The following EFCAB7 variants were observed in gnomAD, a reference collection of about 807,000 sequenced individuals.
EFCAB7 encodes EF-hand calcium-binding domain-containing protein 7.
EFCAB7 carries 66 observed loss-of-function variants against 77.1 expected under a neutral mutation model. The observed-to-expected ratio is 0.86, with a 90% confidence interval of 0.70 to 1.05. EFCAB7 has a LOEUF of 1.05. EFCAB7 is among the 50% of genes least tolerant of loss of function. The probability of loss-of-function intolerance (pLI) is 0.00; values close to 1 mark genes in which losing one functional copy is unlikely to be tolerated. For synonymous variants in EFCAB7, 225 were observed against 243.3 expected (o/e 0.92, Z 0.70); for missense variants, 638 against 730.5 (o/e 0.87, Z 1.46).
At chr1:63,531,738 C>A in intron 2 of EFCAB7, 82 bp from the exon 3 acceptor site, 1 of 1,128,972 alleles carries the variant, frequency 8.9e-7, no homozygotes, top group Non-Finnish European at 1.3e-6. Flanking sequence ...TATCATAATA[C>A]ATAATGATTT....
chr1:63,541,241 C>T (rs1380210374), intron 6 of EFCAB7, among the ~76,000 whole-genome samples: 1 of 152,138 alleles, frequency 6.6e-6, no homozygotes, highest in Non-Finnish European at 1.5e-5. Flanking sequence ...TATGTACCCA[C>T]ACCTTGCTTA....
In EFCAB7 at chr1:63,571,060, A is replaced by G. The variant is rs1408641404; in HGVS notation, c.1747A>G (p.Ser583Gly). ...KVIIHISNEL[S>G]KNCINNRGLN... ...GATTATTCACATCAGCAATGAGCTA[A>G]GTAAAAACTGCATAAACAACAGAGG... Residue 583 changes from serine (S) to glycine (G), a missense_variant, in exon 13 of 14, where the codon AGT becomes GGT. Coordinates refer to ENST00000371088, the MANE Select transcript of EFCAB7 (RefSeq NM_032437.4). 2 of 1,612,646 alleles carry G rather than the reference A, an allele frequency of 1.2e-6. No individual in the cohort carries two copies. The highest frequency in any genetic ancestry group is 1.7e-4 in the Middle Eastern group (1 of 6,046).
At chr1:63,537,437 A>T (rs1646776596) in intron 6 of EFCAB7, among the ~76,000 whole-genome samples, 1 of 152,220 alleles carries the variant, frequency 6.6e-6, no homozygotes, top group African/African-American at 2.4e-5. Context: ...ATGTCAAAAC[A>T]TATATAGCAT....
chr1:63,564,043 T>C (rs1414693325), intron 11 of EFCAB7, among the ~76,000 whole-genome samples: 1 of 152,190 alleles, frequency 6.6e-6, no homozygotes, highest in Non-Finnish European at 1.5e-5. Flanking sequence ...AAATTTACTT[T>C]CTTTTTTAGA....
intron 10 of EFCAB7, among the ~76,000 whole-genome samples, chr1:63,560,817 C>G (rs766113392): frequency 1.3e-5 from 2 of 152,084 alleles, no homozygotes; most frequent in African/African-American, 4.8e-5. Context: ...CCACCGTGCC[C>G]GGCTTCTAAA....
At chr1:63,571,242 A>G in intron 13 of EFCAB7, 114 bp downstream of exon 13, 2 of 680,206 alleles carry the variant, frequency 2.9e-6, no homozygotes, top group South Asian at 2.0e-5. Context: ...TATTTTAAGT[A>G]TGATATTTGT....
the EFCAB7 span, among the ~76,000 whole-genome samples, chr1:63,583,041 C>T: frequency 6.6e-6 from 1 of 152,004 alleles, no homozygotes; most frequent in Non-Finnish European, 1.5e-5. Context: ...AAAGAAGGAT[C>T]AGATGAGTTC....
chr1:63,543,623 CT>C (rs1646856072), intron 6 of EFCAB7, among the ~76,000 whole-genome samples: 2 of 152,096 alleles, frequency 1.3e-5, no homozygotes, highest in African/African-American at 2.4e-5. Context: ...ATTTAGTCTT[CT>C]CTTAAAAATG....
At chr1:63,536,130 A>G (rs1646759975) in intron 6 of EFCAB7, among the ~76,000 whole-genome samples, 1 of 152,202 alleles carries the variant, frequency 6.6e-6, no homozygotes, top group South Asian at 2.1e-4. Context: ...AGATAATTTA[A>G]TGATTAAAAG....
intron 1 of EFCAB7, 92 bp from the exon 2 acceptor site, chr1:63,525,479 CT>C: frequency 1.9e-6 from 2 of 1,052,172 alleles, no homozygotes; most frequent in Non-Finnish European, 2.6e-6. Context: ...TGTATAAAAT[CT>C]TGATTCTCCT....
downstream of EFCAB7, among the ~76,000 whole-genome samples, chr1:63,574,853 C>T (rs989281407): frequency 6.6e-6 from 1 of 152,084 alleles, no homozygotes; most frequent in Non-Finnish European, 1.5e-5. Context: ...AGCGAGGTCT[C>T]GAGTTAAGGC....
intron 11 of EFCAB7, among the ~76,000 whole-genome samples, chr1:63,563,192 T>C (rs1408828510): frequency 6.6e-6 from 1 of 152,208 alleles, no homozygotes; most frequent in Admixed American, 6.5e-5. Context: ...ACTGATGTCA[T>C]TTACCTTTGA....
chr1:63,561,866 T>C lies in EFCAB7; in HGVS notation c.1497+9T>C, dbSNP rs1328484304. 15 of 1,549,246 alleles carry C rather than the reference T, an allele frequency of 9.7e-6. No homozygotes were observed. Among genetic ancestry groups the C allele is most frequent in the Non-Finnish European group, 1.2e-5 (14 of 1,150,306 alleles). On this transcript the variant is annotated intron_variant, in intron 11 of 13. Coordinates refer to ENST00000371088, the MANE Select transcript of EFCAB7 (RefSeq NM_032437.4). The stretch of plus-strand genomic sequence containing the variant: ...CTCTGGAGTTGACAGAGGTAAAGTA[T>C]TCTTAAACTTTTGCCAATGGGTTTA...
At chr1:63,556,309 C>G (rs1647029621) in intron 9 of EFCAB7, among the ~76,000 whole-genome samples, 1 of 152,074 alleles carries the variant, frequency 6.6e-6, no homozygotes. Context: ...TGTTAATTAG[C>G]TTTAGTCATT....
rs940018124 is a variant in EFCAB7 at position 63,561,619 on chromosome 1, A to G, written c.1349-90A>G. The G allele has an allele frequency of 3.3e-5, 26 of 793,184 alleles. No homozygotes were observed. The East Asian group carries it at 6.2e-4, about 19-fold the overall frequency. 49.1% of individuals were successfully genotyped at this position (793,184 alleles called of 1,614,324 possible). A position where few individuals can be genotyped will look rare whatever the true frequency, so the allele number is the denominator to read the frequency against. ...GATTCATAGGCCTCTTTTAAAATAAATATCTATGAATAATAATATATCATA... is the reference window on the plus strand; with the variant it reads ...GATTCATAGGCCTCTTTTAAAATAAGTATCTATGAATAATAATATATCATA... On this transcript the variant is annotated intron_variant, in intron 10 of 13. Transcript: ENST00000371088.
intron 6 of EFCAB7, among the ~76,000 whole-genome samples, chr1:63,537,045 AC>A (rs1299392241): frequency 1.3e-5 from 2 of 152,242 alleles, no homozygotes; most frequent in African/African-American, 4.8e-5. Context: ...CCACAAAACC[AC>A]ACAATTGGTA....
chr1:63,549,222 A>G (rs976669535), intron 7 of EFCAB7: 2 of 404,952 alleles, frequency 4.9e-6, no homozygotes, highest in African/African-American at 4.2e-5. Flanking sequence ...AGGACATGAG[A>G]TTAAGGTTTA....
intron 6 of EFCAB7, among the ~76,000 whole-genome samples, chr1:63,542,884 A>G (rs1468379519): frequency 6.6e-6 from 1 of 152,124 alleles, no homozygotes; most frequent in Non-Finnish European, 1.5e-5. Flanking sequence ...GTGATTTGCA[A>G]ATAATTTCTC....
At chr1:63,546,522 C>T (rs531203184) in intron 7 of EFCAB7, among the ~76,000 whole-genome samples, 219 of 152,162 alleles carry the variant, frequency 1.4e-3, no homozygotes, top group African/African-American at 5.0e-3. Context: ...CACACCACCT[C>T]GCCCGCCTAA....
Sources: allele counts gnomAD v4.1 joint callset (sites outside exome capture counted in the v4.1 genomes callset), GRCh38; gene constraint gnomAD v4.1.1; transcripts MANE v1.5; gene names NCBI Gene and HGNC (gene_info 2026-07-23, HGNC 2026-07-21).